The following DLGAP1 variants were observed in gnomAD, a reference collection of about 807,000 sequenced individuals.
The protein encoded by DLGAP1 is disks large-associated protein 1.
In DLGAP1, 11 loss-of-function variants were observed where a neutral mutation model predicts 90.8. The ratio of observed to expected loss-of-function variants is 0.12; its 90% CI spans 0.08 to 0.20. The LOEUF (loss-of-function observed/expected upper bound fraction) is 0.20, where lower values mean the gene tolerates loss of function less well. Ranked by LOEUF, DLGAP1 falls within the 10% of genes least tolerant of loss-of-function variation. The pLI is 1.00. For missense variants in DLGAP1, 1,050 were observed against 1,333.8 expected (o/e 0.79, Z 3.31); for synonymous variants, 558 against 540.7 (o/e 1.03, Z -0.44).
chr18:4,043,502 T>A (rs1165080349), intron 2 of DLGAP1, among the ~76,000 whole-genome samples: 1 of 152,228 alleles, frequency 6.6e-6, no homozygotes, highest in East Asian at 1.9e-4. Context: ...AATATTTGTA[T>A]GGAAGATTTC....
rs570364150 is a variant in DLGAP1, at chr18:3,933,740, C to G, written c.-72-53600G>C. On this transcript the variant is annotated intron_variant, in intron 3 of 12. Coordinates refer to ENST00000315677, the MANE Select transcript of DLGAP1 (RefSeq NM_004746.4). The stretch of plus-strand genomic sequence containing the variant: ...TGTGAATGCCCCCTTTCTCATACTC[C>G]GTTAGATTTTGTATCTGTCTGTGGT... Among the ~76,000 whole-genome samples the G allele has an allele frequency of 3.3e-5, 5 of 152,244 alleles. No individual in the cohort carries two copies. In the East Asian group the frequency reaches 9.6e-4, roughly 29 times the overall value.
chr18:3,608,741 G>A (rs929351817), intron 7 of DLGAP1, among the ~76,000 whole-genome samples: 2 of 152,204 alleles, frequency 1.3e-5, no homozygotes, highest in Non-Finnish European at 2.9e-5. Flanking sequence ...CAGAGGCGAA[G>A]AAGGAACAGA....
At chr18:3,767,929 G>A (rs192597138) in intron 5 of DLGAP1, among the ~76,000 whole-genome samples, 1 of 152,136 alleles carries the variant, frequency 6.6e-6, no homozygotes, top group East Asian at 1.9e-4. Flanking sequence ...GTATGGCAAG[G>A]AAATAAAAGG....
At chr18:4,316,154 G>A (rs1264399158) in intron 1 of DLGAP1, among the ~76,000 whole-genome samples, 1 of 152,098 alleles carries the variant, frequency 6.6e-6, no homozygotes, top group Admixed American at 6.5e-5. Context: ...AAGCCCAACT[G>A]GATCCATCAT....
intron 4 of DLGAP1, among the ~76,000 whole-genome samples, chr18:3,839,803 C>G (rs554147645): frequency 3.9e-5 from 6 of 152,326 alleles, no homozygotes; most frequent in African/African-American, 1.4e-4. Context: ...GACACACCTC[C>G]TCTTTTCTAA....
At position 4,301,169 on chromosome 18, in the gene DLGAP1, GTACAA is replaced by G. The variant is rs540397963; in HGVS notation, c.-266-149887_-266-149883del. On this transcript the variant is annotated intron_variant, in intron 1 of 12. Transcript: ENST00000315677. ...TTCACTTCCTTAGTGATTTTGAAAT[GTACAA>G]TACATTATTTTTAATTATATTCACG... Among the ~76,000 whole-genome samples, 309 of 152,124 alleles carry G rather than the reference GTACAA, an allele frequency of 2.0e-3. 1 individual carries two copies. Among genetic ancestry groups the G allele is most frequent in the African/African-American group, 6.9e-3 (286 of 41,510 alleles).
intron 10 of DLGAP1, among the ~76,000 whole-genome samples, chr18:3,527,280 CTAAA>C (rs745607972): frequency 3.6e-4 from 55 of 152,124 alleles, no homozygotes; most frequent in Non-Finnish European, 7.2e-4. Context: ...TAATTAATAA[CTAAA>C]TAACTATTTA....
intron 1 of DLGAP1, among the ~76,000 whole-genome samples, chr18:4,158,845 T>C (rs2076799392): frequency 6.6e-6 from 1 of 152,170 alleles, no homozygotes; most frequent in South Asian, 2.1e-4. Context: ...ATGAAAATAA[T>C]TGATACTTTA....
At chr18:3,940,048 C>A (rs2072735080) in intron 3 of DLGAP1, among the ~76,000 whole-genome samples, 1 of 152,154 alleles carries the variant, frequency 6.6e-6, no homozygotes, top group African/African-American at 2.4e-5. Context: ...GTGTGACTGC[C>A]AAGGCTGGGT....
intron 9 of DLGAP1, among the ~76,000 whole-genome samples, chr18:3,543,735 G>A (rs939111671): frequency 2.6e-5 from 4 of 152,140 alleles, no homozygotes; most frequent in Admixed American, 2.6e-4. Flanking sequence ...AAACAAATGG[G>A]GCCTTTGACT....
chr18:4,014,508 CA>C (rs2074487344), intron 2 of DLGAP1, among the ~76,000 whole-genome samples: 1 of 152,066 alleles, frequency 6.6e-6, no homozygotes, highest in African/African-American at 2.4e-5. Flanking sequence ...TTACAGTTAA[CA>C]AAAATTTATT....
At chr18:3,733,829 G>A (rs2062536434) in intron 6 of DLGAP1, among the ~76,000 whole-genome samples, 1 of 152,150 alleles carries the variant, frequency 6.6e-6, no homozygotes, top group South Asian at 2.1e-4. Flanking sequence ...TTCCTTGAGT[G>A]TATTAAAATG....
At chr18:4,147,400 G>A (rs1367247775) in intron 2 of DLGAP1, among the ~76,000 whole-genome samples, 1 of 152,142 alleles carries the variant, frequency 6.6e-6, no homozygotes, top group Non-Finnish European at 1.5e-5. Flanking sequence ...ACTATGTAGT[G>A]TTATTTCATC....
At chr18:4,430,353 T>G (rs1250315085) in intron 1 of DLGAP1, among the ~76,000 whole-genome samples, 1 of 152,220 alleles carries the variant, frequency 6.6e-6, no homozygotes, top group Non-Finnish European at 1.5e-5. Context: ...TTAAAAGTTC[T>G]AGATCCCAGT....
At chr18:3,878,820 A>T (rs932716435) in intron 4 of DLGAP1, among the ~76,000 whole-genome samples, 1 of 152,140 alleles carries the variant, frequency 6.6e-6, no homozygotes, top group African/African-American at 2.4e-5. Flanking sequence ...TTCCCATCCT[A>T]TGATCCCTCA....
intron 1 of DLGAP1, among the ~76,000 whole-genome samples, chr18:4,368,781 A>AAAGT (rs5822811): frequency 0.94 from 143,473 of 151,828 alleles, 67,923 homozygotes; most frequent in East Asian, 1. Context: ...GGTTTTAAAT[A>AAAGT]AAGTATTAAT....
chr18:3,758,905 T>A (rs3786445), intron 5 of DLGAP1, among the ~76,000 whole-genome samples: 30,163 of 152,044 alleles, frequency 0.2, 3,524 homozygotes, highest in East Asian at 0.54. Context: ...TTAATTTTCC[T>A]TCTGTTTCTT....
chr18:4,255,500 T>C (rs1293049279), intron 1 of DLGAP1, among the ~76,000 whole-genome samples: 1 of 130,252 alleles, frequency 7.7e-6, no homozygotes, highest in Non-Finnish European at 1.5e-5. Flanking sequence ...TATATACAGA[T>C]GAAAAAAAAA....
At chr18:3,752,534 C>T (rs1282288834) in intron 5 of DLGAP1, among the ~76,000 whole-genome samples, 1 of 95,820 alleles carries the variant, frequency 1.0e-5, no homozygotes, top group Non-Finnish European at 1.9e-5. Flanking sequence ...TCCCTCCGTT[C>T]CTCCCTCCCT....
Sources: gnomAD v4.1 joint callset for allele counts (sites outside exome capture counted in the v4.1 genomes callset) on GRCh38, gnomAD v4.1.1 for gene constraint, MANE v1.5 for transcripts, NCBI Gene and HGNC (gene_info 2026-07-23, HGNC 2026-07-21) for gene names.